The following PARP8 variants were observed in gnomAD, a reference collection of about 807,000 sequenced individuals.
PARP8 encodes the protein protein mono-ADP-ribosyltransferase PARP8.
A neutral mutation model predicts 124.1 loss-of-function variants in PARP8; 51 were observed. The observed-to-expected ratio is 0.41, with a 90% CI of 0.33 to 0.52. The LOEUF (loss-of-function observed/expected upper bound fraction) is 0.52, where lower values mean the gene tolerates loss of function less well. Among genes scored for constraint, PARP8 ranks in the 20% least tolerant of loss-of-function variants. PARP8 has a pLI of 0.21. For synonymous variants in PARP8, 391 were observed against 361.5 expected (o/e 1.08, Z -0.93); for missense variants, 860 against 1,018.9 (o/e 0.84, Z 2.12).
In PARP8 at chr5:50,794,813, C is replaced by A. The variant is rs139762307; in HGVS notation, c.864-40C>A. ...AAGCTTTCTTCATGGTCTGATGTACCTGTGATTTGCCCTGTAGTAATTGTT... is the reference window on the plus strand; with the variant it reads ...AAGCTTTCTTCATGGTCTGATGTACATGTGATTTGCCCTGTAGTAATTGTT... On this transcript the variant is annotated intron_variant, in intron 11 of 25. Coordinates refer to ENST00000281631, the MANE Select transcript of PARP8 (RefSeq NM_024615.4). 1,443 of 1,531,724 alleles carry A rather than the reference C, an allele frequency of 9.4e-4. 8 individuals are homozygous for A. The highest frequency in any genetic ancestry group is 8.6e-3 in the African/African-American group (632 of 73,354). The allele number at this position is 1,531,724 out of a possible 1,614,324, so 94.9% of individuals were successfully genotyped here.
chr5:50,779,805 A>G (rs1740462180), intron 9 of PARP8, among the ~76,000 whole-genome samples: 1 of 152,204 alleles, frequency 6.6e-6, no homozygotes, highest in African/African-American at 2.4e-5. Flanking sequence ...TTGTTTTCAC[A>G]TAGGAAACAT....
intron 9 of PARP8, among the ~76,000 whole-genome samples, chr5:50,782,733 G>A (rs1314149850): frequency 6.6e-6 from 1 of 151,996 alleles, no homozygotes. Context: ...GTGTTGCCTG[G>A]GACCACTCCT....
At chr5:50,764,596 A>G (rs563647935) in intron 7 of PARP8, among the ~76,000 whole-genome samples, 3 of 152,320 alleles carry the variant, frequency 2.0e-5, no homozygotes, top group South Asian at 2.1e-4. Flanking sequence ...ATATTAGGCT[A>G]CAATTGAGTG....
intron 2 of PARP8, among the ~76,000 whole-genome samples, chr5:50,732,509 A>G (rs1757068135): frequency 6.6e-6 from 1 of 152,238 alleles, no homozygotes; most frequent in East Asian, 1.9e-4. Flanking sequence ...CTTTGGAAAC[A>G]GTATATAGTT....
intron 25 of PARP8, among the ~76,000 whole-genome samples, chr5:50,835,665 T>C (rs1269693618): frequency 6.6e-6 from 1 of 152,182 alleles, no homozygotes; most frequent in Non-Finnish European, 1.5e-5. Flanking sequence ...TTTAAAAATT[T>C]AGAACTGGGA....
At chr5:50,776,078 T>C (rs1389092390) in intron 7 of PARP8, among the ~76,000 whole-genome samples, 1 of 152,242 alleles carries the variant, frequency 6.6e-6, no homozygotes, top group Non-Finnish European at 1.5e-5. Context: ...ATAGCTAATT[T>C]GTTGAGAGTT....
chr5:50,744,890 C>T (rs1299785173), intron 2 of PARP8: 1 of 657,672 alleles, frequency 1.5e-6, no homozygotes, highest in Non-Finnish European at 2.7e-6. Flanking sequence ...TGCTACATGG[C>T]ATTTATTATG....
chr5:50,694,459 A>G (rs1752813023), intron 2 of PARP8, among the ~76,000 whole-genome samples: 1 of 152,102 alleles, frequency 6.6e-6, no homozygotes, highest in Non-Finnish European at 1.5e-5. Flanking sequence ...TTATTTTCCT[A>G]GGTTTAATTA....
At chr5:50,767,097 C>T (rs1761127685) in intron 7 of PARP8, among the ~76,000 whole-genome samples, 3 of 151,992 alleles carry the variant, frequency 2.0e-5, no homozygotes, top group South Asian at 4.1e-4. Flanking sequence ...TGTGTTAGTT[C>T]CCATGTCCCC....
At chr5:50,810,494 G>C (rs772420883) in intron 14 of PARP8, among the ~76,000 whole-genome samples, 1 of 152,002 alleles carries the variant, frequency 6.6e-6, no homozygotes, top group African/African-American at 2.4e-5. Flanking sequence ...TGTCAGGGTG[G>C]AGGATTGGGT....
intron 14 of PARP8, among the ~76,000 whole-genome samples, chr5:50,809,684 C>G (rs16886309): frequency 0.11 from 16,642 of 151,884 alleles, 1,341 homozygotes; most frequent in African/African-American, 0.23. Context: ...CACATGTGCT[C>G]CAACAGGAAT....
At chr5:50,791,672 TG>T (rs1741971513) in intron 10 of PARP8, among the ~76,000 whole-genome samples, 1 of 151,480 alleles carries the variant, frequency 6.6e-6, no homozygotes, top group African/African-American at 2.4e-5. Context: ...TCACAGACAA[TG>T]GAAATAATCT....
Position 50,759,638 on chromosome 5 carries a change from T to TTTTA in PARP8, c.185-5_185-4insTTTA. The TTTTA allele has an allele frequency of 6.6e-7, 1 of 1,525,424 alleles. No individual in the cohort carries two copies. The highest frequency in any genetic ancestry group is 8.7e-7 in the Non-Finnish European group (1 of 1,146,252). The allele number at this position is 1,525,424 out of a possible 1,614,324, so 94.5% of individuals were successfully genotyped here. ...TTTCATTATCTTTTTTTTTTTTTTT[T>TTTTA]GCAGATAATACATATGTGTCAAGTT... is the stretch of plus-strand genomic sequence containing the variant. On this transcript the variant is annotated splice_region_variant and splice_polypyrimidine_tract_variant and intron_variant, in intron 3 of 25. Transcript: ENST00000281631.
intron 2 of PARP8, among the ~76,000 whole-genome samples, chr5:50,672,232 C>G (rs1363537063): frequency 6.6e-6 from 1 of 152,212 alleles, no homozygotes; most frequent in African/African-American, 2.4e-5. Flanking sequence ...CATGTCGTTA[C>G]AGTATATTGT....
intron 25 of PARP8, among the ~76,000 whole-genome samples, chr5:50,840,251 G>A (rs1748037865): frequency 1.3e-5 from 2 of 151,848 alleles, no homozygotes; most frequent in South Asian, 4.2e-4. Flanking sequence ...TTAAAATGCT[G>A]GTCTGGACAA....
At chr5:50,829,072 G>A (rs190165280) in intron 21 of PARP8, among the ~76,000 whole-genome samples, 310 of 152,242 alleles carry the variant, frequency 2.0e-3, no homozygotes, top group Non-Finnish European at 2.5e-3. Flanking sequence ...AATGCTTTTA[G>A]AGAATAAAAT....
chr5:50,790,598 A>G (rs947734268), intron 10 of PARP8, among the ~76,000 whole-genome samples: 9 of 152,116 alleles, frequency 5.9e-5, no homozygotes, highest in African/African-American at 2.2e-4. Flanking sequence ...ATAAGATAAG[A>G]TTTACAAAAG....
At position 50,723,564 on chromosome 5, in the gene PARP8, A is replaced by G. The variant is rs547296662; in HGVS notation, c.147-26587A>G. ...AGGTTTGGTTCTGGATGGATACTAG[A>G]TTTTTGTGCTAATTGTGTCACCTTC... On this transcript the variant is annotated intron_variant, in intron 2 of 25. Transcript: ENST00000281631. Among the ~76,000 whole-genome samples the G allele has an allele frequency of 4.3e-4, 65 of 152,118 alleles. 1 individual carries two copies. In the South Asian group the frequency reaches 0.013, roughly 31 times the overall value.
intron 2 of PARP8, among the ~76,000 whole-genome samples, chr5:50,732,381 TAA>T (rs750509746): frequency 6.4e-4 from 98 of 152,230 alleles, no homozygotes; most frequent in Non-Finnish European, 1.3e-3. Context: ...AAACCAGTTT[TAA>T]GTTATAAATG....
Sources: gnomAD v4.1 joint callset for allele counts (sites outside exome capture counted in the v4.1 genomes callset) on GRCh38, gnomAD v4.1.1 for gene constraint, MANE v1.5 for transcripts, NCBI Gene and HGNC (gene_info 2026-07-23, HGNC 2026-07-21) for gene names.